Variants in IMMP2L observed in about 807,000 individuals in gnomAD.
The protein encoded by IMMP2L is mitochondrial inner membrane protease subunit 2.
Under a neutral mutation model 19.3 loss-of-function variants are expected in IMMP2L, and 18 were observed. The observed-to-expected ratio is 0.93, with a 90% CI of 0.64 to 1.38. The LOEUF is 1.38. Among genes scored for constraint, IMMP2L ranks in the 40% most tolerant of loss-of-function variants. The pLI is 0.00. For synonymous variants in IMMP2L, 76 were observed against 73.0 expected (o/e 1.04, Z -0.21); for missense variants, 233 against 218.2 (o/e 1.07, Z -0.43).
At chr7:111,532,149 C>T (rs1360344039) in intron 1 of IMMP2L, among the ~76,000 whole-genome samples, 1 of 152,136 alleles carries the variant, frequency 6.6e-6, no homozygotes, top group East Asian at 1.9e-4. Flanking sequence ...TAGGCAATAA[C>T]ATGAGTAATG....
chr7:110,797,733 C>A (rs977491514), intron 5 of IMMP2L, among the ~76,000 whole-genome samples: 1 of 151,960 alleles, frequency 6.6e-6, no homozygotes. Context: ...GAAGACACTG[C>A]TAGTCCCTAG....
intron 3 of IMMP2L, among the ~76,000 whole-genome samples, chr7:111,043,472 C>G (rs188486212): frequency 1.2e-3 from 180 of 152,286 alleles, no homozygotes; most frequent in Non-Finnish European, 2.2e-3. Flanking sequence ...AAATGAGATG[C>G]AAATTTGACA....
At chr7:111,380,159 C>T (rs959648376) in intron 3 of IMMP2L, among the ~76,000 whole-genome samples, 2 of 151,764 alleles carry the variant, frequency 1.3e-5, no homozygotes, top group African/African-American at 2.4e-5. Context: ...CACAGTATTA[C>T]GTCTTTTTGT....
At chr7:111,071,658 T>C (rs10251218) in intron 3 of IMMP2L, among the ~76,000 whole-genome samples, 1,589 of 152,228 alleles carry the variant, frequency 0.01, 27 homozygotes, top group African/African-American at 0.036. Flanking sequence ...ATTCCAACTA[T>C]ATGAAATTTC....
intron 3 of IMMP2L, among the ~76,000 whole-genome samples, chr7:111,467,430 G>A (rs573067188): frequency 1.3e-5 from 2 of 152,222 alleles, no homozygotes; most frequent in African/African-American, 2.4e-5. Flanking sequence ...TTTTGTTGCA[G>A]TTTTTGGCTT....
rs138427532 is a variant in IMMP2L at position 111,433,875 on chromosome 7, C to A, written c.239+53363G>T. Among the ~76,000 whole-genome samples, 6 of 151,820 alleles carry A rather than the reference C, an allele frequency of 4.0e-5. No homozygotes were observed. The East Asian group carries it at 9.7e-4, about 24-fold the overall frequency. Reference sequence around the variant, plus strand: ...TTAAAAATGACCATACTACATGGAGCAATCTACAGGTTCAACACAATCCCT... The same window carrying A: ...TTAAAAATGACCATACTACATGGAGAAATCTACAGGTTCAACACAATCCCT... On this transcript the variant is annotated intron_variant, in intron 3 of 5. Transcript: ENST00000405709.
intron 3 of IMMP2L, among the ~76,000 whole-genome samples, chr7:111,394,124 C>T (rs933086614): frequency 8.6e-5 from 13 of 151,768 alleles, no homozygotes; most frequent in Admixed American, 6.6e-4. Context: ...ATCTTACAGT[C>T]GATAATATCA....
At chr7:111,510,986 G>A (rs1236955960) in intron 2 of IMMP2L, among the ~76,000 whole-genome samples, 1 of 151,238 alleles carries the variant, frequency 6.6e-6, no homozygotes, top group Non-Finnish European at 1.5e-5. Context: ...CCAGCAGACA[G>A]AGGAGAGAGC....
At chr7:110,891,835 G>A (rs539069314) in intron 4 of IMMP2L, among the ~76,000 whole-genome samples, 1 of 151,974 alleles carries the variant, frequency 6.6e-6, no homozygotes. Context: ...CTAAAGAAAT[G>A]GAAAATATTA....
chr7:111,293,869 C>T (rs1821364862), intron 3 of IMMP2L, among the ~76,000 whole-genome samples: 1 of 151,874 alleles, frequency 6.6e-6, no homozygotes, highest in South Asian at 2.1e-4. Context: ...AAGAATGATA[C>T]TCAGGAATAC....
intron 3 of IMMP2L, among the ~76,000 whole-genome samples, chr7:111,080,162 T>G (rs1795770675): frequency 6.6e-6 from 1 of 152,216 alleles, no homozygotes; most frequent in Non-Finnish European, 1.5e-5. Flanking sequence ...AACAAAATGA[T>G]GCTTGGTGTT....
chr7:110,833,982 C>T (rs1308250290), intron 5 of IMMP2L, among the ~76,000 whole-genome samples: 1 of 152,160 alleles, frequency 6.6e-6, no homozygotes, highest in African/African-American at 2.4e-5. Flanking sequence ...ACTAGATCAA[C>T]TAAGTTATTT....
intron 5 of IMMP2L, among the ~76,000 whole-genome samples, chr7:110,780,447 G>C (rs1799659569): frequency 6.6e-6 from 1 of 151,660 alleles, no homozygotes; most frequent in Admixed American, 6.6e-5. Context: ...AAATATTCTA[G>C]AGCTAATTCC....
At chr7:111,109,620 A>G (rs1432822686) in intron 3 of IMMP2L, among the ~76,000 whole-genome samples, 2 of 152,172 alleles carry the variant, frequency 1.3e-5, no homozygotes, top group East Asian at 3.8e-4. Flanking sequence ...TGCCCCTTCA[A>G]CTTTCACCAC....
intron 5 of IMMP2L, among the ~76,000 whole-genome samples, chr7:110,817,517 T>G (rs1244007119): frequency 6.6e-6 from 1 of 151,974 alleles, no homozygotes; most frequent in Non-Finnish European, 1.5e-5. Flanking sequence ...GAATCAATAT[T>G]GTGAAAATGG....
chr7:111,539,130 GA>G lies in IMMP2L; in HGVS notation c.-2-17682del, dbSNP rs1341023204. Among the ~76,000 whole-genome samples the G allele has an allele frequency of 6.7e-3, 619 of 92,998 alleles. 17 individuals carry two copies. The highest frequency in any genetic ancestry group is 0.027 in the African/African-American group (582 of 21,876). The allele number at this position is 92,998 out of a possible 152,430, so 61.0% of individuals were successfully genotyped here. A position where few individuals can be genotyped will look rare whatever the true frequency, so the allele number is the denominator to read the frequency against. On this transcript the variant is annotated intron_variant, in intron 1 of 5. Coordinates refer to ENST00000405709, the MANE Select transcript of IMMP2L (RefSeq NM_032549.4). ...AAGACTCCATCTCACAAAAAGAAAA[GA>G]AAAGGAAGGAAGGAAGGAAGGAAGG... is the stretch of plus-strand genomic sequence containing the variant.
chr7:111,339,876 A>G (rs1302333913), intron 3 of IMMP2L, among the ~76,000 whole-genome samples: 3 of 152,056 alleles, frequency 2.0e-5, no homozygotes, highest in African/African-American at 7.2e-5. Context: ...TTCAAAAGCC[A>G]TATCAAATAA....
intron 3 of IMMP2L, among the ~76,000 whole-genome samples, chr7:111,376,422 G>A (rs1275117494): frequency 3.9e-5 from 6 of 152,042 alleles, no homozygotes; most frequent in Non-Finnish European, 7.4e-5. Flanking sequence ...ATGAAGATAC[G>A]GAGGAAGTGA....
intron 3 of IMMP2L, among the ~76,000 whole-genome samples, chr7:111,114,745 A>T (rs1208507815): frequency 6.6e-6 from 1 of 151,828 alleles, no homozygotes; most frequent in East Asian, 1.9e-4. Context: ...TCTCAAAAAA[A>T]AAAAAAAAGA....
Sources: gnomAD v4.1 joint callset for allele counts (sites outside exome capture counted in the v4.1 genomes callset) on GRCh38, gnomAD v4.1.1 for gene constraint, MANE v1.5 for transcripts, NCBI Gene and HGNC (gene_info 2026-07-23, HGNC 2026-07-21) for gene names.